The following TECR variants were observed in gnomAD, a reference collection of about 807,000 sequenced individuals.
TECR encodes trans-2,3-enoyl-CoA reductase, also known as very-long-chain enoyl-CoA reductase.
Under a neutral mutation model 50.6 loss-of-function variants are expected in TECR, and 19 were observed. The observed-to-expected ratio is 0.38, with a 90% CI of 0.26 to 0.55. The LOEUF is 0.55. Ranked by LOEUF, TECR falls within the 20% of genes least tolerant of loss-of-function variation. The probability of loss-of-function intolerance (pLI) is 0.79; values close to 1 mark genes in which losing one functional copy is unlikely to be tolerated. For missense variants in TECR, 313 were observed against 408.3 expected (o/e 0.77, Z 2.01); for synonymous variants, 168 against 163.5 (o/e 1.03, Z -0.21).
chr19:14,564,792 A>T lies in TECR; in HGVS notation c.496A>T (p.Thr166Ser). 1 of 1,612,636 alleles carries T rather than the reference A, an allele frequency of 6.2e-7. No homozygotes were observed. Residue 166 changes from threonine (T) to serine (S), a missense_variant, in exon 8 of 13, where the codon ACC (threonine) becomes TCC (serine). Physicochemically the swap from Thr to Ser is moderately conservative, Grantham distance 58 (BLOSUM62 1). Coordinates refer to ENST00000215567, the MANE Select transcript of TECR (RefSeq NM_138501.6). ...MPLRNIFKNC[T>S]YYWGFAAWMA... ...CTGCCCTGCTCCCTTTCAGAACTGC[A>T]CCTACTACTGGGGCTTCGCCGCGTG...
rs561074620 is a variant in TECR at position 14,533,882 on chromosome 19, A to G, written c.15+4171A>G. 3 of 152,258 alleles carry G rather than the reference A, an allele frequency of 2.0e-5. No homozygotes were observed. The South Asian group carries it at 6.2e-4, about 32-fold the overall frequency. 9.4% of individuals were successfully genotyped at this position (152,258 alleles called of 1,614,324 possible). A position where few individuals can be genotyped will look rare whatever the true frequency, so the allele number is the denominator to read the frequency against. ...AAGCGAACTGCTTATCCTAGGATACAGTATTTTTTTAATGTATTTTTTTAT... is the reference window on the plus strand; with the variant it reads ...AAGCGAACTGCTTATCCTAGGATACGGTATTTTTTTAATGTATTTTTTTAT... On this transcript the variant is annotated intron_variant, in intron 1 of 12. Coordinates refer to ENST00000215567, the MANE Select transcript of TECR (RefSeq NM_138501.6).
At chr19:14,542,690 A>G (rs1161573054) in intron 1 of TECR, among the ~76,000 whole-genome samples, 1 of 152,156 alleles carries the variant, frequency 6.6e-6, no homozygotes, top group East Asian at 1.9e-4. Context: ...AAAAATGCAC[A>G]GAGCATTTGT....
rs550416261 is a variant in TECR, at chr19:14,558,380, G to C, written c.16-4145G>C. Among the ~76,000 whole-genome samples the C allele has an allele frequency of 5.3e-5, 8 of 152,308 alleles. No individual in the cohort carries two copies. The South Asian group carries it at 1.0e-3, about 20-fold the overall frequency. Reference sequence around the variant, plus strand: ...TGTTGCTTGCGGCACTCCCCTCTGGGCTTGGGAGGCACAAACCTCGCCCCT... The same window carrying C: ...TGTTGCTTGCGGCACTCCCCTCTGGCCTTGGGAGGCACAAACCTCGCCCCT... On this transcript the variant is annotated intron_variant, in intron 1 of 12. Transcript: ENST00000215567.
At chr19:14,561,100 G>C (rs928566671) in intron 1 of TECR, among the ~76,000 whole-genome samples, 4 of 152,156 alleles carry the variant, frequency 2.6e-5, no homozygotes, top group Non-Finnish European at 5.9e-5. Context: ...GTGCAGGAGG[G>C]GTACCCAGCT....
chr19:14,531,119 C>T (rs1219156568), intron 1 of TECR: 2 of 152,116 alleles, frequency 1.3e-5, no homozygotes. Context: ...ACTGCAAACT[C>T]CGCCTCCTGG....
intron 1 of TECR, chr19:14,530,089 CCGT>C (rs2072570010): frequency 2.8e-6 from 1 of 356,912 alleles, no homozygotes; most frequent in African/African-American, 2.1e-5. Context: ...CGCCACGCCG[CCGT>C]CACCAGCGTA....
intron 1 of TECR, among the ~76,000 whole-genome samples, chr19:14,550,330 G>A (rs1016461909): frequency 2.6e-5 from 4 of 152,142 alleles, no homozygotes; most frequent in East Asian, 1.9e-4. Context: ...AGCCTGCCAC[G>A]TAGATCCCAG....
At position 14,563,916 on chromosome 19, in the gene TECR, C is replaced by G. The variant is rs1395662559; in HGVS notation, c.267+13C>G. ...CAGCTGGGTGACGGTGAGTCCTGAC[C>G]CTACCCACGGCCTCTTTTCCCGTCA... is the stretch of plus-strand genomic sequence containing the variant. On this transcript the variant is annotated intron_variant, in intron 5 of 12. Transcript: ENST00000215567. This position sits in a 1 kb window ranked among gnomAD's most constrained non-coding sequence, Gnocchi z 5.3. 6.2e-7 allele frequency: 1 copy of G among 1,613,882 alleles called. No individual in the cohort carries two copies. The highest frequency in any genetic ancestry group is 8.5e-7 in the Non-Finnish European group (1 of 1,179,920).
intron 1 of TECR, among the ~76,000 whole-genome samples, chr19:14,541,872 T>G (rs1383284150): frequency 6.6e-6 from 1 of 151,144 alleles, no homozygotes; most frequent in African/African-American, 2.4e-5. Flanking sequence ...AACCTTCGCC[T>G]CCTGGGTTCA....
chr19:14,561,943 C>G (rs1599494734), intron 1 of TECR: 1 of 186,054 alleles, frequency 5.4e-6, no homozygotes, highest in Non-Finnish European at 1.1e-5. Context: ...GGCCCGCTGG[C>G]CTCTCACTCT....
chr19:14,528,806 T>G (rs1052208614), upstream of TECR, among the ~76,000 whole-genome samples: 1 of 151,596 alleles, frequency 6.6e-6, no homozygotes, highest in African/African-American at 2.4e-5. Flanking sequence ...TAGTCGGGCG[T>G]GGTGGCGGGT....
intron 1 of TECR, chr19:14,545,121 A>G (rs2073255357): frequency 2.2e-6 from 1 of 456,636 alleles, no homozygotes. Context: ...CAGCAGAGAG[A>G]TGATTCTTCA....
At chr19:14,549,990 G>A (rs547090373) in intron 1 of TECR, among the ~76,000 whole-genome samples, 7 of 151,152 alleles carry the variant, frequency 4.6e-5, no homozygotes, top group African/African-American at 1.5e-4. Flanking sequence ...CCCTTCAACT[G>A]CCACTCCCTG....
At chr19:14,559,726 G>C (rs1404413848) in intron 1 of TECR, among the ~76,000 whole-genome samples, 1 of 151,770 alleles carries the variant, frequency 6.6e-6, no homozygotes, top group African/African-American at 2.4e-5. Flanking sequence ...GGCGGAGGTT[G>C]CAGTGAGTCA....
chr19:14,565,265 T>G lies in TECR; in HGVS notation c.728T>G (p.Val243Gly). 1 of 1,613,574 alleles carries G rather than the reference T, an allele frequency of 6.2e-7. No individual in the cohort carries two copies. Among genetic ancestry groups the G allele is most frequent in the Non-Finnish European group, 8.5e-7 (1 of 1,179,926 alleles). The change falls in exon 11 of 13, where the codon GTG becomes GGG. Residue 243 changes from valine to glycine, a missense_variant. Coordinates refer to ENST00000215567, the MANE Select transcript of TECR (RefSeq NM_138501.6). ...KNPFTWLFLL[V>G]SCPNYTYEVG... is the part of the protein sequence containing the mutation. ...CCCTTCACGTGGCTCTTCCTGCTGG[T>G]GTCCTGCCCCAACTACACCTACGAG...
Position 14,564,178 on chromosome 19 carries a change from C to G in TECR, c.384-4C>G. 6.2e-7 allele frequency: 1 copy of G among 1,606,866 alleles called. No homozygotes were observed. The highest frequency in any genetic ancestry group is 8.5e-7 in the Non-Finnish European group (1 of 1,179,730). ...CCCCAGCTGAGCCTGCTCCCCCCGA[C>G]CAGCCTCGCCTGCATCTGTCACTCA... On this transcript the variant is annotated splice_region_variant and splice_polypyrimidine_tract_variant and intron_variant, in intron 6 of 12. Transcript: ENST00000215567.
chr19:14,556,858 C>T (rs947038054), intron 1 of TECR, among the ~76,000 whole-genome samples: 5 of 152,160 alleles, frequency 3.3e-5, no homozygotes, highest in Admixed American at 6.5e-5. Flanking sequence ...CAGCCTCCGC[C>T]GCTTGCAGCC....
chr19:14,550,938 CT>C (rs2073477920), intron 1 of TECR, among the ~76,000 whole-genome samples: 1 of 152,044 alleles, frequency 6.6e-6, no homozygotes, highest in Admixed American at 6.6e-5. Context: ...TCCCAGAGTA[CT>C]GGGATTACAG....
intron 1 of TECR, among the ~76,000 whole-genome samples, chr19:14,547,427 C>G (rs1330484171): frequency 6.6e-6 from 1 of 152,070 alleles, no homozygotes; most frequent in Non-Finnish European, 1.5e-5. Context: ...GTGGCATGAA[C>G]TCTGCTCACT....
Sources: allele counts gnomAD v4.1 joint callset (sites outside exome capture counted in the v4.1 genomes callset), GRCh38; gene constraint gnomAD v4.1.1; non-coding constraint Gnocchi (gnomAD v3.1); transcripts MANE v1.5; gene names NCBI Gene and HGNC (gene_info 2026-07-23, HGNC 2026-07-21).